TTC23: variants seen among roughly 807,000 people sequenced by gnomAD.
TTC23 encodes the protein tetratricopeptide repeat protein 23.
TTC23 carries 58 observed loss-of-function variants against 55.1 expected under a neutral mutation model. That is an observed-to-expected ratio of 1.05 (90% CI 0.85 to 1.31). The LOEUF (loss-of-function observed/expected upper bound fraction) is 1.31, where lower values mean the gene tolerates loss of function less well. Ranked by LOEUF, TTC23 falls within the 50% of genes most tolerant of loss-of-function variation. The probability of loss-of-function intolerance (pLI) is 0.00; values close to 1 mark genes in which losing one functional copy is unlikely to be tolerated. For missense variants in TTC23, 516 were observed against 534.4 expected (o/e 0.97, Z 0.34); for synonymous variants, 203 against 199.9 (o/e 1.02, Z -0.13).
intron 2 of TTC23, among the ~76,000 whole-genome samples, chr15:99,244,104 C>T (rs542449376): frequency 5.9e-5 from 9 of 152,028 alleles, no homozygotes; most frequent in Non-Finnish European, 1.3e-4. Context: ...AATATATACA[C>T]CTACTACTAT....
At chr15:99,232,491 A>G (rs564492251) in intron 4 of TTC23, among the ~76,000 whole-genome samples, 42 of 152,104 alleles carry the variant, frequency 2.8e-4, no homozygotes, top group African/African-American at 9.2e-4. Context: ...AAAAAAAAAA[A>G]ATGATCAAAG....
chr15:99,157,036 G>A (rs2151883616), intron 11 of TTC23, among the ~76,000 whole-genome samples: 1 of 152,070 alleles, frequency 6.6e-6, no homozygotes, highest in Non-Finnish European at 1.5e-5. Context: ...TTAGGCAGAG[G>A]AGGAAACAGG....
intron 12 of TTC23, among the ~76,000 whole-genome samples, chr15:99,148,360 C>CAAAAAAA (rs57733522): frequency 0.078 from 2,367 of 30,310 alleles, 745 homozygotes; most frequent in Middle Eastern, 0.14. Flanking sequence ...GACTCTGTAC[C>CAAAAAAA]AAAAAAAAAA....
At chr15:99,163,404 C>T (rs952052650) in intron 10 of TTC23, among the ~76,000 whole-genome samples, 4 of 152,206 alleles carry the variant, frequency 2.6e-5, no homozygotes, top group African/African-American at 9.7e-5. Flanking sequence ...CTGAACTGTG[C>T]TCATAACAGG....
At position 99,138,036 on chromosome 15, in the gene TTC23, C is replaced by A. The variant is rs368118877; in HGVS notation, c.1318G>T (p.Ala440Ser). Reference sequence around the variant, plus strand: ...CAGTCTGCTGTTGTGCCGGGCCGGGCCTTCCCCAGCAGGGTGTCCTGAGGG... The same window carrying A: ...CAGTCTGCTGTTGTGCCGGGCCGGGACTTCCCCAGCAGGGTGTCCTGAGGG... ...SIPQDTLLGK[A>S]RPGTTAD is the part of the protein sequence containing the mutation. The change falls in exon 14 of 14, where the codon GCC becomes TCC. Residue 440 changes from alanine to serine, a missense_variant. Physicochemically the swap from Ala to Ser is moderately conservative, Grantham distance 99. Coordinates refer to ENST00000394132, the MANE Select transcript of TTC23 (RefSeq NM_001288615.3). 2.1e-5 allele frequency: 34 copies of A among 1,613,966 alleles called. No individual in the cohort carries two copies. The highest frequency in any genetic ancestry group is 2.7e-5 in the Non-Finnish European group (32 of 1,180,040).
At chr15:99,174,916 T>C (rs2073365501) in intron 10 of TTC23, 134 bp downstream of exon 10, 1 of 661,460 alleles carries the variant, frequency 1.5e-6, no homozygotes, top group Non-Finnish European at 2.6e-6. Context: ...TAGGGGCAGA[T>C]GATCAGATAA....
intron 1 of TTC23, among the ~76,000 whole-genome samples, chr15:99,247,627 T>G (rs1210585779): frequency 6.6e-6 from 1 of 152,184 alleles, no homozygotes; most frequent in African/African-American, 2.4e-5. Flanking sequence ...AATGTGTAAT[T>G]CCACTTACAT....
At chr15:99,227,518 G>T (rs566937318) in intron 5 of TTC23, among the ~76,000 whole-genome samples, 2 of 152,236 alleles carry the variant, frequency 1.3e-5, no homozygotes, top group South Asian at 2.1e-4. Flanking sequence ...ACAGCTATGG[G>T]AGTGACTGTT....
At position 99,228,957 on chromosome 15, in the gene TTC23, C is replaced by T. The variant is rs578183929; in HGVS notation, c.-20-225G>A. Among the ~76,000 whole-genome samples the T allele has an allele frequency of 1.1e-3, 114 of 102,782 alleles. 2 individuals are homozygous for T. Among genetic ancestry groups the T allele is most frequent in the African/African-American group, 3.7e-3 (107 of 28,916 alleles). 67.4% of individuals were successfully genotyped at this position (102,782 alleles called of 152,430 possible). On this transcript the variant is annotated intron_variant, in intron 4 of 13. Coordinates refer to ENST00000394132, the MANE Select transcript of TTC23 (RefSeq NM_001288615.3). ...ATATATATATGCCTACATACATATA[C>T]ACACATACATACACATGTATATAAA...
chr15:99,202,063 A>C (rs1172457927), intron 8 of TTC23, among the ~76,000 whole-genome samples: 1 of 152,216 alleles, frequency 6.6e-6, no homozygotes, highest in Non-Finnish European at 1.5e-5. Flanking sequence ...CATATCATCC[A>C]TGGCTGCTTT....
chr15:99,180,946 C>A (rs2074053641), intron 9 of TTC23, among the ~76,000 whole-genome samples: 1 of 152,196 alleles, frequency 6.6e-6, no homozygotes. Context: ...TGGAGGGACA[C>A]AGGGAAGGAG....
chr15:99,195,332 T>C (rs1364569150), intron 9 of TTC23, among the ~76,000 whole-genome samples: 2 of 152,176 alleles, frequency 1.3e-5, no homozygotes, highest in Non-Finnish European at 2.9e-5. Flanking sequence ...AGATGCCCCA[T>C]ATCATATATC....
chr15:99,244,114 T>G (rs1367524080), intron 2 of TTC23, among the ~76,000 whole-genome samples: 1 of 152,180 alleles, frequency 6.6e-6, no homozygotes, highest in Non-Finnish European at 1.5e-5. Flanking sequence ...CCTACTACTA[T>G]GTACTCACAA....
intron 4 of TTC23, among the ~76,000 whole-genome samples, chr15:99,234,016 T>C (rs1238903800): frequency 1.3e-5 from 2 of 152,190 alleles, no homozygotes; most frequent in Non-Finnish European, 2.9e-5. Flanking sequence ...CTATATCTCA[T>C]ATTATATACA....
At chr15:99,154,338 C>G (rs1555498265) in intron 12 of TTC23, among the ~76,000 whole-genome samples, 4 of 152,100 alleles carry the variant, frequency 2.6e-5, no homozygotes, top group Admixed American at 2.6e-4. Context: ...TTTGAATGTG[C>G]CTCCCAAAAA....
intron 12 of TTC23, among the ~76,000 whole-genome samples, chr15:99,146,369 G>T (rs1203793095): frequency 2.0e-5 from 3 of 152,192 alleles, no homozygotes; most frequent in Non-Finnish European, 4.4e-5. Context: ...ATGCAGCTCA[G>T]CGATCTGGTT....
At chr15:99,243,007 A>G (rs2152098658) in intron 2 of TTC23, among the ~76,000 whole-genome samples, 1 of 152,368 alleles carries the variant, frequency 6.6e-6, no homozygotes, top group East Asian at 1.9e-4. Flanking sequence ...ATGGGATCAC[A>G]TCAAGTAAAA....
rs529282713 is a variant in TTC23 at position 99,147,024 on chromosome 15, C to T, written c.1144-7625G>A. 6.6e-5 allele frequency among the ~76,000 whole-genome samples: 10 copies of T among 151,404 alleles called. No individual in the cohort carries two copies. The East Asian group carries it at 1.9e-3, about 29-fold the overall frequency. On this transcript the variant is annotated intron_variant, in intron 12 of 13. Coordinates refer to ENST00000394132, the MANE Select transcript of TTC23 (RefSeq NM_001288615.3). ...CTGCCTCCCAGGTTCAAGCAATTCT[C>T]CTGCCTCAGCCTCCCAAGTAGCTGA...
intron 12 of TTC23, chr15:99,148,760 T>C (rs567712611): frequency 1.3e-5 from 2 of 152,366 alleles, no homozygotes; most frequent in African/African-American, 4.8e-5. Flanking sequence ...ATCAGGTTTC[T>C]ATGTTGTACA....
Sources: gnomAD v4.1 joint callset for allele counts (sites outside exome capture counted in the v4.1 genomes callset) on GRCh38, gnomAD v4.1.1 for gene constraint, MANE v1.5 for transcripts, NCBI Gene and HGNC (gene_info 2026-07-23, HGNC 2026-07-21) for gene names.